Variants in UGT3A1 observed in about 807,000 individuals in gnomAD.
UGT3A1 encodes the protein UDP glycosyltransferase family 3 member A1.
UGT3A1 carries 40 observed loss-of-function variants against 37.6 expected under a neutral mutation model. The observed-to-expected ratio is 1.06, with a 90% CI of 0.83 to 1.38. The LOEUF (loss-of-function observed/expected upper bound fraction) is 1.38, where lower values mean the gene tolerates loss of function less well. Ranked by LOEUF, UGT3A1 falls within the 40% of genes most tolerant of loss-of-function variation. The pLI, the probability that UGT3A1 is intolerant of heterozygous loss-of-function variation, is 0.00. For synonymous variants in UGT3A1, 256 were observed against 232.3 expected, an observed-to-expected ratio of 1.10 and a Z score of -0.93; for missense variants, 642 against 634.2, an observed-to-expected ratio of 1.01 and a Z score of -0.13.
At chr5:35,987,354 A>G (rs1026831905) in intron 2 of UGT3A1, among the ~76,000 whole-genome samples, 4 of 152,146 alleles carry the variant, frequency 2.6e-5, no homozygotes, top group Admixed American at 2.0e-4. Flanking sequence ...ACTCTAGAAC[A>G]CTTGAACCCC....
At chr5:35,986,086 T>C (rs571229102) in intron 2 of UGT3A1, among the ~76,000 whole-genome samples, 2 of 152,276 alleles carry the variant, frequency 1.3e-5, no homozygotes, top group South Asian at 4.1e-4. Flanking sequence ...TAAGAAAATG[T>C]TCACCATTAT....
intron 5 of UGT3A1, among the ~76,000 whole-genome samples, 161 bp from the exon 6 acceptor site, chr5:35,956,025 T>G (rs1739343553): frequency 6.6e-6 from 1 of 152,232 alleles, no homozygotes; most frequent in Non-Finnish European, 1.5e-5. Flanking sequence ...CATTCCAGGA[T>G]ACAAGATTCA....
chr5:35,957,181 T>C lies in UGT3A1; in HGVS notation c.1075+7A>G. 1 of 1,612,818 alleles carries C rather than the reference T, an allele frequency of 6.2e-7. No homozygotes were observed. Among genetic ancestry groups the C allele is most frequent in the Non-Finnish European group, 8.5e-7 (1 of 1,179,080 alleles). On this transcript the variant is annotated splice_region_variant and intron_variant, in intron 5 of 6. Transcript: ENST00000274278. Reference sequence around the variant, plus strand: ...GAAAGAGAAGAGCAGACCTAAGCAGTCCTTACCCAGGAGGTCACTCTGAGG... The same window carrying C: ...GAAAGAGAAGAGCAGACCTAAGCAGCCCTTACCCAGGAGGTCACTCTGAGG...
intron 2 of UGT3A1, among the ~76,000 whole-genome samples, chr5:35,984,393 A>T (rs1039836897): frequency 6.6e-6 from 1 of 151,938 alleles, no homozygotes; most frequent in Non-Finnish European, 1.5e-5. Flanking sequence ...GCAGCCCATT[A>T]TCTAATCATT....
chr5:35,965,063 A>G (rs1048483805), intron 4 of UGT3A1, among the ~76,000 whole-genome samples: 1 of 152,240 alleles, frequency 6.6e-6, no homozygotes, highest in Non-Finnish European at 1.5e-5. Flanking sequence ...CTAACTACGT[A>G]TTTATTTTAC....
chr5:35,996,905 T>C (rs2111593003), intron 2 of UGT3A1, among the ~76,000 whole-genome samples: 1 of 152,278 alleles, frequency 6.6e-6, no homozygotes, highest in East Asian at 1.9e-4. Flanking sequence ...GGATGTCCCA[T>C]CCCACTTATG....
chr5:35,957,385 G>C lies in UGT3A1; in HGVS notation c.878C>G (p.Ala293Gly). The change falls in exon 5 of 7, where the codon GCA becomes GGA. Residue 293 changes from alanine to glycine, a missense_variant. Ala to Gly is a moderately conservative substitution (Grantham distance 60). Coordinates refer to ENST00000274278, the MANE Select transcript of UGT3A1 (RefSeq NM_152404.4). ...GCCAAAGGCCACAAGGACAAACCCT[G>C]CATCCCCAAAGTTGGCAATGAAGTT... The part of the protein sequence containing the change: ...LDNFIANFGD[A>G]GFVLVAFGSM... 2 of 1,614,142 alleles carry C rather than the reference G, an allele frequency of 1.2e-6. No homozygotes were observed. The highest frequency in any genetic ancestry group is 1.7e-6 in the Non-Finnish European group (2 of 1,180,018).
intron 4 of UGT3A1, among the ~76,000 whole-genome samples, chr5:35,959,725 GGAAA>G (rs1739502143): frequency 6.6e-6 from 1 of 151,654 alleles, no homozygotes; most frequent in Non-Finnish European, 1.5e-5. Flanking sequence ...AAAATGAAAG[GGAAA>G]GAAAGGCTAT....
At chr5:35,964,351 G>T (rs1026871247) in intron 4 of UGT3A1, among the ~76,000 whole-genome samples, 1 of 152,074 alleles carries the variant, frequency 6.6e-6, no homozygotes, top group East Asian at 1.9e-4. Flanking sequence ...GTCACCCAGA[G>T]AACCCAGTGC....
At chr5:35,962,030 GAT>G (rs1739606637) in intron 4 of UGT3A1, 1 of 151,428 alleles carries the variant, frequency 6.6e-6, no homozygotes, top group African/African-American at 2.4e-5. Context: ...TCAACACTGG[GAT>G]CCATCCCATC....
intron 2 of UGT3A1, among the ~76,000 whole-genome samples, chr5:35,982,448 G>A (rs550069162): frequency 7.9e-5 from 12 of 152,366 alleles, no homozygotes; most frequent in South Asian, 2.1e-4. Context: ...TTATTTTGGC[G>A]CTTTAAGATT....
chr5:35,999,753 A>G (rs1741178501), intron 1 of UGT3A1, among the ~76,000 whole-genome samples: 1 of 152,196 alleles, frequency 6.6e-6, no homozygotes, highest in Non-Finnish European at 1.5e-5. Flanking sequence ...CATGGGGCCA[A>G]GGGTCATTTT....
intron 1 of UGT3A1, among the ~76,000 whole-genome samples, chr5:35,990,297 T>C (rs2111556559): frequency 6.6e-6 from 1 of 152,148 alleles, no homozygotes; most frequent in South Asian, 2.1e-4. Flanking sequence ...AATTAGATGA[T>C]CCGTGGTTCC....
In UGT3A1 at chr5:35,957,314, G is replaced by T. The variant is rs777941648; in HGVS notation, c.949C>A (p.His317Asn). ...HQSQEVLKKM[H>N]NAFAHLPQGV... ...TGAGGGAGGTGGGCAAAGGCATTGT[G>T]CATCTTCTTGAGGACTTCCTGGGAC... Residue 317 changes from histidine (H) to asparagine (N), a missense_variant, in exon 5 of 7, where the codon CAC (histidine) becomes AAC (asparagine). By Grantham distance (68) the His-to-Asn change is moderately conservative. Transcript: ENST00000274278. 6.2e-7 allele frequency: 1 copy of T among 1,614,152 alleles called. No homozygotes were observed. Among genetic ancestry groups the T allele is most frequent in the South Asian group, 1.1e-5 (1 of 91,076 alleles).
intron 2 of UGT3A1, among the ~76,000 whole-genome samples, chr5:35,969,396 G>A (rs192356002): frequency 6.6e-6 from 1 of 152,148 alleles, no homozygotes. Flanking sequence ...TTACCAGAAA[G>A]AAGGTCTCTA....
In UGT3A1 at chr5:35,954,429, G is replaced by A; in HGVS notation, c.1345C>T (p.Leu449=). Residue 449 remains leucine (L), a synonymous_variant, in exon 7 of 7, where the codon CTG becomes TTG. Coordinates refer to ENST00000274278, the MANE Select transcript of UGT3A1 (RefSeq NM_152404.4). ...AASVILHSQP[L]SPAQRLVGWI... ...CCCACCAGCCGCTGTGCGGGGCTCA[G>A]GGGCTGAGAGTGCAGGATGACACTG... The A allele has an allele frequency of 1.2e-6, 2 of 1,614,240 alleles. No individual in the cohort carries two copies. The highest frequency in any genetic ancestry group is 1.7e-6 in the Non-Finnish European group (2 of 1,180,040).
At chr5:35,995,052 G>T (rs78726913), upstream of UGT3A1, among the ~76,000 whole-genome samples, 2,544 of 152,274 alleles carry the variant, frequency 0.017, 69 homozygotes, top group African/African-American at 0.057. Flanking sequence ...ATGGTATCTG[G>T]AGAGTAGCAA....
chr5:35,984,874 T>C (rs573456413), intron 2 of UGT3A1, among the ~76,000 whole-genome samples: 10 of 152,176 alleles, frequency 6.6e-5, no homozygotes, highest in African/African-American at 2.4e-4. Context: ...AATCTGAATC[T>C]TACTCAAAGC....
At chr5:35,968,202 T>A in intron 2 of UGT3A1, 69 bp from the exon 3 acceptor site, 2 of 883,096 alleles carry the variant, frequency 2.3e-6, no homozygotes, top group Non-Finnish European at 3.5e-6. Context: ...AGCATGATGA[T>A]ATTAAAGTTT....
Sources: gnomAD v4.1 joint callset for allele counts (sites outside exome capture counted in the v4.1 genomes callset) on GRCh38, gnomAD v4.1.1 for gene constraint, MANE v1.5 for transcripts, NCBI Gene and HGNC (gene_info 2026-07-23, HGNC 2026-07-21) for gene names.